CDH22: variants seen among roughly 807,000 people sequenced by gnomAD.
CDH22 encodes cadherin-22.
Under a neutral mutation model 58.4 loss-of-function variants are expected in CDH22, and 30 were observed. The ratio of observed to expected loss-of-function variants is 0.51; its 90% CI spans 0.38 to 0.70. CDH22 has a LOEUF of 0.70. Ranked by LOEUF, CDH22 falls within the 30% of genes least tolerant of loss-of-function variation. The pLI, the probability that CDH22 is intolerant of heterozygous loss-of-function variation, is 0.00. For missense variants in CDH22, 1,014 were observed against 1,233.9 expected, an observed-to-expected ratio of 0.82 and a Z score of 2.67; for synonymous variants, 513 against 558.2, an observed-to-expected ratio of 0.92 and a Z score of 1.14.
rs1400058536 is a variant in CDH22, at chr20:46,174,994, C to A, written c.1999G>T (p.Val667Phe). The A allele has an allele frequency of 1.2e-6, 2 of 1,608,286 alleles. No individual in the cohort carries two copies. Among genetic ancestry groups the A allele is most frequent in the South Asian group, 2.2e-5 (2 of 90,870 alleles). Residue 667 changes from valine to phenylalanine, a missense_variant, in exon 12 of 12, where the codon GTC becomes TTC. Physicochemically the swap from Val to Phe is conservative, Grantham distance 50 (BLOSUM62 -1). Coordinates refer to ENST00000537909, the MANE Select transcript of CDH22 (RefSeq NM_021248.3). This position sits in a 1 kb window ranked among gnomAD's most constrained non-coding sequence, Gnocchi z 4.4. ...CCGCCTTCGTCGTTGTATTTGATGACGTTGTCCCGCATGTCTTCATCCTCG... is the reference window on the plus strand; with the variant it reads ...CCGCCTTCGTCGTTGTATTTGATGAAGTTGTCCCGCATGTCTTCATCCTCG... Reference protein sequence around the residue: ...SDEDEDMRDNVIKYNDEGGGE... With the variant: ...SDEDEDMRDNFIKYNDEGGGE...
intron 4 of CDH22, among the ~76,000 whole-genome samples, chr20:46,223,681 C>CTTTCTT (rs2086145476): frequency 1.5e-5 from 1 of 65,934 alleles, no homozygotes; most frequent in Admixed American, 1.4e-4. Context: ...TTCTTTCTTT[C>CTTTCTT]TTTCTTTCTT....
At chr20:46,277,282 C>T (rs997647965) in intron 1 of CDH22, among the ~76,000 whole-genome samples, 3 of 152,100 alleles carry the variant, frequency 2.0e-5, no homozygotes, top group Non-Finnish European at 2.9e-5. Context: ...ATGAACCAAA[C>T]GTTTTTCTAG....
At chr20:46,221,901 C>CTCAT (rs1307299054) in intron 4 of CDH22, among the ~76,000 whole-genome samples, 1 of 152,224 alleles carries the variant, frequency 6.6e-6, no homozygotes, top group Non-Finnish European at 1.5e-5. Flanking sequence ...CATCCGTTCA[C>CTCAT]TCATTCATTC....
At chr20:46,263,792 A>G (rs1287291806) in intron 1 of CDH22, among the ~76,000 whole-genome samples, 1 of 152,198 alleles carries the variant, frequency 6.6e-6, no homozygotes, top group Non-Finnish European at 1.5e-5. Context: ...TGACTCAACC[A>G]GAAGGCACTG....
intron 1 of CDH22, among the ~76,000 whole-genome samples, chr20:46,253,708 T>G (rs1186925216): frequency 3.3e-5 from 5 of 152,208 alleles, no homozygotes. Flanking sequence ...CTTCATTTCC[T>G]GGAGCGTATG....
chr20:46,251,325 G>A lies in CDH22; in HGVS notation c.-31C>T. The stretch of plus-strand genomic sequence containing the variant: ...GCCTGCGCGGGGCTGGGGCCCAGGA[G>A]CATGGACGAGAGGCACCAGGGCGCC... On this transcript the variant is annotated 5_prime_UTR_variant, in exon 2 of 12. Transcript: ENST00000537909. The surrounding 1 kb of genome is among the most constrained non-coding windows in gnomAD (Gnocchi z 6.7). 1.4e-6 allele frequency: 2 copies of A among 1,423,910 alleles called. No homozygotes were observed. The highest frequency in any genetic ancestry group is 9.1e-7 in the Non-Finnish European group (1 of 1,097,776). The allele number at this position is 1,423,910 out of a possible 1,614,324, so 88.2% of individuals were successfully genotyped here.
intron 4 of CDH22, among the ~76,000 whole-genome samples, chr20:46,223,391 T>A (rs1277854501): frequency 3.3e-5 from 5 of 152,100 alleles, no homozygotes; most frequent in Non-Finnish European, 7.4e-5. Context: ...CCCCAAGGCT[T>A]ATCAACCCTA....
chr20:46,234,084 C>T (rs1388205478), intron 3 of CDH22, among the ~76,000 whole-genome samples: 1 of 152,190 alleles, frequency 6.6e-6, no homozygotes, highest in Non-Finnish European at 1.5e-5. Flanking sequence ...TTCCCCCAAG[C>T]ACCGAATTTA....
chr20:46,187,590 CATCACCATCACCAAT>C (rs1019363230), intron 8 of CDH22, among the ~76,000 whole-genome samples: 6 of 151,996 alleles, frequency 3.9e-5, no homozygotes, highest in African/African-American at 9.7e-5. Flanking sequence ...CCACCAACCC[CATCACCATCACCAAT>C]ATCACCATCA....
rs145395480 is a variant in CDH22 at position 46,254,075 on chromosome 20, T to C, written c.-399-2382A>G. ...AACAGCGTTTTATCCTTTCACTCAT[T>C]CATTTATTGAACATACGTTAACAAT... On this transcript the variant is annotated intron_variant, in intron 1 of 11. Transcript: ENST00000537909. 7.4e-3 allele frequency among the ~76,000 whole-genome samples: 1,134 copies of C among 152,360 alleles called. 18 individuals are homozygous for C. Among genetic ancestry groups the C allele is most frequent in the Admixed American group, 0.026 (398 of 15,308 alleles).
Position 46,251,068 on chromosome 20 carries a change from G to A in CDH22, c.227C>T (p.Thr76Met), listed in dbSNP as rs745702980. 1.2e-6 allele frequency: 2 copies of A among 1,611,652 alleles called. No individual in the cohort carries two copies. The highest frequency in any genetic ancestry group is 8.5e-7 in the Non-Finnish European group (1 of 1,178,464). ...WNQFFVVEEY[T>M]GTEPLYVGKI... Reference sequence around the variant, plus strand: ...GCCCACATACAGGGGCTCCGTGCCCGTGTACTCCTCTACCACGAAGAACTG... The same window carrying A: ...GCCCACATACAGGGGCTCCGTGCCCATGTACTCCTCTACCACGAAGAACTG... Residue 76 changes from threonine (T) to methionine (M), a missense_variant, in exon 2 of 12, where the codon ACG (threonine) becomes ATG (methionine). By Grantham distance (81) the Thr-to-Met change is moderately conservative. Coordinates refer to ENST00000537909, the MANE Select transcript of CDH22 (RefSeq NM_021248.3). The surrounding 1 kb of genome is among the most constrained non-coding windows in gnomAD (Gnocchi z 6.7).
At position 46,195,213 on chromosome 20, in the gene CDH22, C is replaced by T. The variant is rs140425922; in HGVS notation, c.1423+4210G>A. Among the ~76,000 whole-genome samples, 85 of 152,344 alleles carry T rather than the reference C, an allele frequency of 5.6e-4. No homozygotes were observed. The East Asian group carries it at 0.016, about 28-fold the overall frequency. On this transcript the variant is annotated intron_variant, in intron 8 of 11. Coordinates refer to ENST00000537909, the MANE Select transcript of CDH22 (RefSeq NM_021248.3). ...CCATCATGCATTCCTGTTTTTCCAA[C>T]TGGGCATGCAAGCCCATTCATTCAT... is the stretch of plus-strand genomic sequence containing the variant.
At chr20:46,218,506 T>C (rs3092816) in intron 4 of CDH22, among the ~76,000 whole-genome samples, 140,728 of 152,278 alleles carry the variant, frequency 0.92, 65,206 homozygotes, top group Middle Eastern at 0.96. Flanking sequence ...TATACACACA[T>C]GCAACGTAGT....
intron 4 of CDH22, among the ~76,000 whole-genome samples, chr20:46,217,948 A>G (rs2086097900): frequency 6.6e-6 from 1 of 151,550 alleles, no homozygotes; most frequent in South Asian, 2.1e-4. Flanking sequence ...TTTTTTTGAA[A>G]CAGAATCTCA....
chr20:46,210,417 G>C lies in CDH22; in HGVS notation c.1176C>G (p.Pro392=). ...GGAGGCCGGAGGGCGGCCGGAACTC[G>C]GGGGGCTCGTCCACGTCGGTCACGG... ...RVAVTDVDEP[P]EFRPPSGLLE... is the part of the protein sequence containing the mutation. The change falls in exon 7 of 12, where the codon CCC becomes CCG. Residue 392 remains proline, a synonymous_variant. Transcript: ENST00000537909. This position sits in a 1 kb window ranked among gnomAD's most constrained non-coding sequence, Gnocchi z 4.5. 2 of 1,458,474 alleles carry C rather than the reference G, an allele frequency of 1.4e-6. No homozygotes were observed. Among genetic ancestry groups the C allele is most frequent in the South Asian group, 2.8e-5 (2 of 70,408 alleles). 90.3% of individuals were successfully genotyped at this position (1,458,474 alleles called of 1,614,324 possible). A position where few individuals can be genotyped will look rare whatever the true frequency, so the allele number is the denominator to read the frequency against.
At chr20:46,203,046 CCTT>C (rs2085973443) in intron 7 of CDH22, among the ~76,000 whole-genome samples, 3 of 152,206 alleles carry the variant, frequency 2.0e-5, no homozygotes, top group Middle Eastern at 3.2e-3. Context: ...TCCTCTTCCT[CCTT>C]CTCCTTTGCC....
At chr20:46,185,270 C>T (rs192123027) in intron 10 of CDH22, among the ~76,000 whole-genome samples, 1 of 152,212 alleles carries the variant, frequency 6.6e-6, no homozygotes, top group East Asian at 1.9e-4. Flanking sequence ...GTGACTGCCC[C>T]CTTCCCTCAG....
chr20:46,195,018 C>T (rs2031850503), intron 8 of CDH22, among the ~76,000 whole-genome samples: 1 of 152,212 alleles, frequency 6.6e-6, no homozygotes, highest in African/African-American at 2.4e-5. Context: ...GCGTGAACCA[C>T]CGTGCCCAGC....
At chr20:46,276,720 C>G (rs1300113753) in intron 1 of CDH22, among the ~76,000 whole-genome samples, 1 of 152,180 alleles carries the variant, frequency 6.6e-6, no homozygotes, top group Non-Finnish European at 1.5e-5. Context: ...GGGTGACTCA[C>G]AGGTTGCTGG....
Sources: gnomAD v4.1 joint callset for allele counts (sites outside exome capture counted in the v4.1 genomes callset) on GRCh38, gnomAD v4.1.1 for gene constraint, Gnocchi (gnomAD v3.1) non-coding constraint, MANE v1.5 for transcripts, NCBI Gene and HGNC (gene_info 2026-07-23, HGNC 2026-07-21) for gene names.